Variants in EEA1 observed in about 807,000 individuals in gnomAD.
EEA1 encodes early endosome antigen 1, 162kD.
EEA1 carries 111 observed loss-of-function variants against 209.2 expected under a neutral mutation model. The observed-to-expected ratio is 0.53, with a 90% confidence interval of 0.45 to 0.62. EEA1 has a LOEUF of 0.62. Among genes scored for constraint, EEA1 ranks in the 20% least tolerant of loss-of-function variants. The pLI, the probability that EEA1 is intolerant of heterozygous loss-of-function variation, is 0.00. For missense variants in EEA1, 1,343 were observed against 1,530.8 expected, an observed-to-expected ratio of 0.88 and a Z score of 2.05; for synonymous variants, 536 against 540.6, an observed-to-expected ratio of 0.99 and a Z score of 0.12.
intron 3 of EEA1, chr12:92,858,086 C>T (rs1337639217): frequency 4.2e-6 from 2 of 471,618 alleles, no homozygotes; most frequent in Non-Finnish European, 7.9e-6. Flanking sequence ...CCAACATGAA[C>T]GGGAGCTCAA....
intron 3 of EEA1, chr12:92,859,408 C>A: frequency 1.6e-6 from 1 of 613,134 alleles, no homozygotes; most frequent in South Asian, 2.0e-5. Context: ...TCACTCTAGT[C>A]AATGACATGA....
intron 22 of EEA1, among the ~76,000 whole-genome samples, chr12:92,786,878 A>T (rs563117209): frequency 6.6e-6 from 1 of 152,318 alleles, no homozygotes; most frequent in East Asian, 1.9e-4. Flanking sequence ...CAACCTTTTA[A>T]ACCTTAATTC....
chr12:92,891,520 A>T, intron 2 of EEA1, 109 bp downstream of exon 2: 1 of 829,486 alleles, frequency 1.2e-6, no homozygotes, highest in East Asian at 2.6e-5. Context: ...CAACTTTTAC[A>T]AGAAAAACTT....
At chr12:92,891,791 A>G in intron 1 of EEA1, 70 bp from the exon 2 acceptor site, 1 of 1,118,798 alleles carries the variant, frequency 8.9e-7, no homozygotes, top group Admixed American at 2.0e-5. Context: ...CGGCCATTTA[A>G]TAATCTAAAC....
intron 13 of EEA1, among the ~76,000 whole-genome samples, chr12:92,821,896 C>T (rs930360021): frequency 1.7e-4 from 25 of 149,472 alleles, no homozygotes; most frequent in Middle Eastern, 3.6e-3. Flanking sequence ...ATTATAAACT[C>T]GAATTTAACA....
At chr12:92,888,231 G>A (rs892595330) in intron 2 of EEA1, among the ~76,000 whole-genome samples, 1 of 152,182 alleles carries the variant, frequency 6.6e-6, no homozygotes, top group Non-Finnish European at 1.5e-5. Context: ...GACTGAAACT[G>A]AGAGTCTAGC....
intron 18 of EEA1, among the ~76,000 whole-genome samples, chr12:92,805,733 T>C (rs1875172822): frequency 6.6e-6 from 1 of 152,178 alleles, no homozygotes; most frequent in African/African-American, 2.4e-5. Flanking sequence ...AATTCTACCT[T>C]GGGAGTGAAC....
In EEA1 at chr12:92,799,022, G is replaced by C. The variant is rs1565812689; in HGVS notation, c.2837C>G (p.Thr946Ser). 6.2e-7 allele frequency: 1 copy of C among 1,612,842 alleles called. No homozygotes were observed. The highest frequency in any genetic ancestry group is 1.3e-5 in the African/African-American group (1 of 74,886). Residue 946 changes from threonine (T) to serine (S), a missense_variant, in exon 21 of 29, where the codon ACT (threonine) becomes AGT (serine). By Grantham distance (58) the Thr-to-Ser change is moderately conservative (BLOSUM62 1). Around this residue, in one of 3 missense-constraint regions of EEA1, gnomAD observed 1,307 missense variants for 1,465.5 expected, o/e 0.89. Transcript: ENST00000322349. The stretch of plus-strand genomic sequence containing the variant: ...CTCTTCTTTTTCATTTTGTTTTAAA[G>C]TATTCTGGGCCTGTATAAGTTGTTC... ...MQEQLIQAQN[T>S]LKQNEKEEQQ...
chr12:92,801,739 T>C (rs761261747), intron 19 of EEA1, 38 bp from the exon 20 acceptor site: 6 of 1,379,614 alleles, frequency 4.3e-6, no homozygotes, highest in East Asian at 2.5e-5. Flanking sequence ...TAAAAAATAT[T>C]TGTAATAACC....
chr12:92,849,074 T>C (rs1877504173), intron 9 of EEA1, among the ~76,000 whole-genome samples: 1 of 152,206 alleles, frequency 6.6e-6, no homozygotes, highest in Non-Finnish European at 1.5e-5. Context: ...CTTGTTAATG[T>C]TCTATTTGTT....
chr12:92,927,934 G>A (rs1032323985), intron 1 of EEA1, among the ~76,000 whole-genome samples: 1 of 152,172 alleles, frequency 6.6e-6, no homozygotes, highest in Non-Finnish European at 1.5e-5. Flanking sequence ...CATTCTTTCA[G>A]GAGAAAGCTA....
chr12:92,888,136 T>C (rs758326093), intron 2 of EEA1, among the ~76,000 whole-genome samples: 11 of 152,098 alleles, frequency 7.2e-5, no homozygotes, highest in South Asian at 2.1e-4. Context: ...AAGTTTTCAA[T>C]GTGCTGACAA....
intron 3 of EEA1, among the ~76,000 whole-genome samples, chr12:92,862,959 G>A (rs1004612893): frequency 4.6e-5 from 7 of 152,170 alleles, no homozygotes; most frequent in African/African-American, 1.7e-4. Flanking sequence ...ATGATGAGGT[G>A]CCTCCAGAAC....
At chr12:92,917,458 G>C (rs945452645) in intron 1 of EEA1, among the ~76,000 whole-genome samples, 1 of 150,356 alleles carries the variant, frequency 6.7e-6, no homozygotes, top group Non-Finnish European at 1.5e-5. Context: ...TTAAAGAAAA[G>C]AATTTTCAAC....
At position 92,772,320 on chromosome 12, in the gene EEA1, CA is replaced by C. The variant is rs935676970; in HGVS notation, c.*3690del. On this transcript the variant is annotated 3_prime_UTR_variant, in exon 29 of 29. Coordinates refer to ENST00000322349, the MANE Select transcript of EEA1 (RefSeq NM_003566.4). ...ACAATATTAAATGGAATGTCTAAGG[CA>C]AAATGGCATTAATAATTTCTCTTGA... 6.6e-6 allele frequency: 1 copy of C among 151,732 alleles called. No homozygotes were observed. Among genetic ancestry groups the C allele is most frequent in the African/African-American group, 2.4e-5 (1 of 41,374 alleles). The allele number at this position is 151,732 out of a possible 1,614,324, so 9.4% of individuals were successfully genotyped here. A position where few individuals can be genotyped will look rare whatever the true frequency, so the allele number is the denominator to read the frequency against.
chr12:92,817,771 G>C (rs1055270395), intron 14 of EEA1, among the ~76,000 whole-genome samples: 22 of 152,092 alleles, frequency 1.4e-4, no homozygotes, highest in African/African-American at 5.3e-4. Context: ...TTTTGTCCCA[G>C]CACATATTTA....
chr12:92,777,965 T>A lies in EEA1; in HGVS notation c.3869A>T (p.Asp1290Val). The change falls in exon 26 of 29, where the codon GAT (aspartate) becomes GTT (valine). Residue 1290 changes from aspartate to valine, a missense_variant. By Grantham distance (152) the Asp-to-Val change is radical (BLOSUM62 -3). Transcript: ENST00000322349. ...CCTTTCCAGTAGTGCTCTCCTTTCA[T>A]CTTGATTATTCTGAACCGTTGCTTC... ...VLEATVQNNQDERRALLERCL... is the reference protein window; with the variant it reads ...VLEATVQNNQVERRALLERCL... 1 of 1,613,266 alleles carries A rather than the reference T, an allele frequency of 6.2e-7. No individual in the cohort carries two copies. The highest frequency in any genetic ancestry group is 8.5e-7 in the Non-Finnish European group (1 of 1,179,432).
At position 92,892,122 on chromosome 12, in the gene EEA1, GCT is replaced by G. The variant is rs201511586; in HGVS notation, c.25-403_25-402del. 9.8e-3 allele frequency among the ~76,000 whole-genome samples: 1,498 copies of G among 152,182 alleles called. 10 individuals carry two copies. The highest frequency in any genetic ancestry group is 0.036 in the South Asian group (173 of 4,810). On this transcript the variant is annotated intron_variant, in intron 1 of 28. Transcript: ENST00000322349. ...TGGTTGTTTTTTGAGTTGGGGTCTT[GCT>G]CTGTCACCCAGGCTGGAGTGCAGTG...
chr12:92,778,467 T>C (rs1264979829), intron 25 of EEA1, among the ~76,000 whole-genome samples: 1 of 152,008 alleles, frequency 6.6e-6, no homozygotes, highest in African/African-American at 2.4e-5. Flanking sequence ...AAGACACATA[T>C]GGTTAGGGAT....
Sources: allele counts gnomAD v4.1 joint callset (sites outside exome capture counted in the v4.1 genomes callset), GRCh38; gene constraint gnomAD v4.1.1; regional missense constraint gnomAD v4.1.1; transcripts MANE v1.5; gene names NCBI Gene and HGNC (gene_info 2026-07-23, HGNC 2026-07-21).